IMPG1: variants seen among roughly 807,000 people sequenced by gnomAD.
The protein encoded by IMPG1 is interphotoreceptor matrix proteoglycan of 150 kDa.
A neutral mutation model predicts 92.0 loss-of-function variants in IMPG1; 85 were observed. That is an observed-to-expected ratio of 0.92 (90% CI 0.78 to 1.11). The LOEUF is 1.11. Ranked by LOEUF, IMPG1 falls within the 50% of genes least tolerant of loss-of-function variation. IMPG1 has a pLI of 0.00. For missense variants in IMPG1, 1,022 were observed against 956.0 expected (o/e 1.07, Z -0.91); for synonymous variants, 367 against 334.1 (o/e 1.10, Z -1.08).
chr6:76,040,989 G>A (rs1449848902), intron 2 of IMPG1, among the ~76,000 whole-genome samples: 1 of 152,120 alleles, frequency 6.6e-6, no homozygotes, highest in Non-Finnish European at 1.5e-5. Flanking sequence ...TTTTGCAATG[G>A]AAGCAAACAT....
At chr6:75,947,857 T>TAA (rs5877465) in intron 13 of IMPG1, among the ~76,000 whole-genome samples, 2 of 147,152 alleles carry the variant, frequency 1.4e-5, no homozygotes, top group Admixed American at 1.4e-4. Flanking sequence ...GTTCAGTTAT[T>TAA]AAAAAAAAAA....
chr6:75,983,316 C>A (rs1003422406), intron 12 of IMPG1, among the ~76,000 whole-genome samples: 2 of 152,036 alleles, frequency 1.3e-5, no homozygotes, highest in Non-Finnish European at 2.9e-5. Context: ...TTTTGAAGTA[C>A]AATGACCTGT....
intron 1 of IMPG1, among the ~76,000 whole-genome samples, chr6:76,056,739 A>G (rs936529026): frequency 2.0e-5 from 3 of 152,190 alleles, no homozygotes; most frequent in African/African-American, 4.8e-5. Context: ...GTGAGGTAAT[A>G]GCTCATTGTG....
At chr6:76,037,294 A>C (rs1783758032) in intron 2 of IMPG1, among the ~76,000 whole-genome samples, 1 of 152,318 alleles carries the variant, frequency 6.6e-6, no homozygotes, top group African/African-American at 2.4e-5. Flanking sequence ...ACCAGCAGCA[A>C]CCTGACCAGA....
At chr6:76,056,899 C>T (rs1784129129) in intron 1 of IMPG1, among the ~76,000 whole-genome samples, 4 of 152,022 alleles carry the variant, frequency 2.6e-5, no homozygotes, top group Admixed American at 2.6e-4. Flanking sequence ...AATGTAAATG[C>T]CTATCAATGA....
At chr6:75,946,471 T>C (rs1272147158) in intron 14 of IMPG1, among the ~76,000 whole-genome samples, 2 of 152,162 alleles carry the variant, frequency 1.3e-5, no homozygotes, top group Non-Finnish European at 2.9e-5. Context: ...GACTGGGAGG[T>C]AGCTTTGGCA....
In IMPG1 at chr6:75,936,379, C is replaced by A. The variant is rs1040708708; in HGVS notation, c.2045-5228G>T. ...TATATATGTTTAAGTTTTTGTTGAT[C>A]GCTTATTTTATTGTTATAAAATGTT... On this transcript the variant is annotated intron_variant, in intron 14 of 16. Transcript: ENST00000369950. 5.3e-5 allele frequency among the ~76,000 whole-genome samples: 8 copies of A among 152,122 alleles called. 1 individual carries two copies. The highest frequency in any genetic ancestry group is 3.9e-4 in the Admixed American group (6 of 15,272).
In IMPG1 at chr6:75,922,159, C is replaced by T. The variant is rs762278033; in HGVS notation, c.2324G>A (p.Ser775Asn). ...FQNQQNNKVI[S>N]KRNSELLTVE... ...GGTCAGTAATTCAGAATTTCTTTTA[C>T]TGATTACCTGAAAGAGAAATAGTTT... The change falls in exon 17 of 17, where the codon AGT becomes AAT. Residue 775 changes from serine (S) to asparagine (N), a missense_variant. Transcript: ENST00000369950. 1.5e-5 allele frequency: 19 copies of T among 1,303,874 alleles called. 1 individual carries two copies. The South Asian group carries it at 2.0e-4, about 14-fold the overall frequency. 80.8% of individuals were successfully genotyped at this position (1,303,874 alleles called of 1,614,324 possible). A position where few individuals can be genotyped will look rare whatever the true frequency, so the allele number is the denominator to read the frequency against.
At chr6:76,056,919 G>C (rs1784129447) in intron 1 of IMPG1, among the ~76,000 whole-genome samples, 1 of 152,094 alleles carries the variant, frequency 6.6e-6, no homozygotes, top group South Asian at 2.1e-4. Context: ...ATATAGACTG[G>C]ATAAAGAAAA....
intron 14 of IMPG1, among the ~76,000 whole-genome samples, chr6:75,938,810 T>TCAAA (rs1554227534): frequency 8.2e-5 from 12 of 146,986 alleles, no homozygotes; most frequent in African/African-American, 2.8e-4. Flanking sequence ...AGGCTCCATC[T>TCAAA]CAAAACAAAA....
At chr6:76,070,350 C>CTTA (rs1784385925) in intron 1 of IMPG1, among the ~76,000 whole-genome samples, 1 of 152,060 alleles carries the variant, frequency 6.6e-6, no homozygotes, top group Non-Finnish European at 1.5e-5. Context: ...ACAGTAAATG[C>CTTA]TTATGCACTG....
intron 16 of IMPG1, among the ~76,000 whole-genome samples, chr6:75,922,588 T>G (rs1048645901): frequency 4.6e-5 from 7 of 152,234 alleles, no homozygotes; most frequent in Admixed American, 2.6e-4. Context: ...GATGTAGTTC[T>G]TCAAGTTTAC....
rs115472772 is a variant in IMPG1 at position 75,982,854 on chromosome 6, G to A, written c.1291+20064C>T. ...GTTTCTACTGTCACCAAAAGAAAGG[G>A]TGAGGAACACCCTCATCTTTAAAAT... On this transcript the variant is annotated intron_variant, in intron 12 of 16. Transcript: ENST00000369950. Among the ~76,000 whole-genome samples, 460 of 152,078 alleles carry A rather than the reference G, an allele frequency of 3.0e-3. 1 individual carries two copies. The highest frequency in any genetic ancestry group is 0.01 in the African/African-American group (423 of 41,500).
intron 3 of IMPG1, 31 bp from the exon 4 acceptor site, chr6:76,034,374 T>C: frequency 1.3e-6 from 2 of 1,599,016 alleles, no homozygotes; most frequent in Admixed American, 1.7e-5. Flanking sequence ...AATGTAATTT[T>C]ACCAGGAGAT....
Position 76,022,214 on chromosome 6 carries a change from CA to C in IMPG1, c.567del (p.Ala190ProfsTer54). On this transcript the variant is annotated frameshift_variant, in exon 6 of 17. Coordinates refer to ENST00000369950, the MANE Select transcript of IMPG1 (RefSeq NM_001563.4). LOFTEE classifies it high-confidence loss of function. ...GGGAAAGGCCCAAGTGAGACGTTGG[CA>C]ACATCTGTGAAAATTTTAAAAATTA... The part of the protein sequence containing the change: ...PGETIVISTD[V>X]ANVSLGPFPL... 6.3e-7 allele frequency: 1 copy of C among 1,575,260 alleles called. No homozygotes were observed. The highest frequency in any genetic ancestry group is 1.1e-5 in the South Asian group (1 of 90,088).
intron 12 of IMPG1, among the ~76,000 whole-genome samples, chr6:75,992,052 A>T (rs562498653): frequency 6.6e-6 from 1 of 152,242 alleles, no homozygotes; most frequent in Admixed American, 6.5e-5. Flanking sequence ...AAAGCAGATT[A>T]CCCTACATAG....
rs1221394117 is a variant in IMPG1, at chr6:75,924,604, T to A, written c.2244-898A>T. On this transcript the variant is annotated intron_variant, in intron 15 of 16. Transcript: ENST00000369950. ...AATATAATTATATATTATATATAAT[T>A]AATTATATATAATATATAATAAATT... is the stretch of plus-strand genomic sequence containing the variant. 2.3e-4 allele frequency among the ~76,000 whole-genome samples: 9 copies of A among 38,406 alleles called. 1 individual carries two copies. Among genetic ancestry groups the A allele is most frequent in the Non-Finnish European group, 2.7e-4 (6 of 21,970 alleles). 25.2% of individuals were successfully genotyped at this position (38,406 alleles called of 152,430 possible).
intron 1 of IMPG1, among the ~76,000 whole-genome samples, chr6:76,049,875 G>T (rs1463028180): frequency 6.6e-6 from 1 of 152,180 alleles, no homozygotes; most frequent in Non-Finnish European, 1.5e-5. Context: ...GGCACCGAAG[G>T]CTTAAGTTGG....
chr6:76,051,101 C>T (rs1214539704), intron 1 of IMPG1, among the ~76,000 whole-genome samples: 1 of 151,946 alleles, frequency 6.6e-6, no homozygotes, highest in Non-Finnish European at 1.5e-5. Flanking sequence ...AATTCAATGA[C>T]TGGAAGTTAA....
Sources: gnomAD v4.1 joint callset for allele counts (sites outside exome capture counted in the v4.1 genomes callset) on GRCh38, gnomAD v4.1.1 for gene constraint, MANE v1.5 for transcripts, NCBI Gene and HGNC (gene_info 2026-07-23, HGNC 2026-07-21) for gene names.